Variants in MUC7 observed in about 807,000 individuals in gnomAD.
MUC7 encodes mucin-7.
Under a neutral mutation model 2.5 loss-of-function variants are expected in MUC7, and 2 were observed. That is an observed-to-expected ratio of 0.81 (90% CI 0.33 to 2.55). MUC7 has a LOEUF of 2.55. MUC7 is among the 30% of genes most tolerant of loss of function. The pLI is 0.11. For missense variants in MUC7, 408 were observed against 455.6 expected (o/e 0.90, Z 0.95); for synonymous variants, 133 against 173.4 (o/e 0.77, Z 1.83).
chr4:70,432,100 G>GCT (rs1733682957), intron 1 of MUC7, among the ~76,000 whole-genome samples: 1 of 152,208 alleles, frequency 6.6e-6, no homozygotes, highest in Non-Finnish European at 1.5e-5. Context: ...TGGCTGCATA[G>GCT]TATTCCATGG....
intron 1 of MUC7, among the ~76,000 whole-genome samples, chr4:70,444,391 C>G (rs1734076989): frequency 6.6e-6 from 1 of 152,164 alleles, no homozygotes; most frequent in East Asian, 1.9e-4. Context: ...CAACACAAGT[C>G]ACTACTTCAG....
intron 1 of MUC7, among the ~76,000 whole-genome samples, chr4:70,457,371 G>T (rs1734440990): frequency 6.6e-6 from 1 of 152,118 alleles, no homozygotes; most frequent in Non-Finnish European, 1.5e-5. Flanking sequence ...TTGAGGCCAG[G>T]AGGTTAAGGT....
At chr4:70,463,667 T>C (rs1246398831) in intron 1 of MUC7, among the ~76,000 whole-genome samples, 1 of 152,206 alleles carries the variant, frequency 6.6e-6, no homozygotes. Context: ...ATGTCAGTCA[T>C]TTCAACATGT....
upstream of MUC7, among the ~76,000 whole-genome samples, chr4:70,470,051 T>C (rs1354931141): frequency 3.9e-5 from 6 of 152,130 alleles, no homozygotes; most frequent in Non-Finnish European, 5.9e-5. Context: ...AATGTGGCAA[T>C]ATACACCATG....
At position 70,451,130 on chromosome 4, in the gene MUC7, G is replaced by T. The variant is rs543145526; in HGVS notation, c.-93+20443G>T. ...GTAGGAACTCAAGTTCAGACCACTA[G>T]GACTGGTGATTCTCCTCTGGCTAGG... On this transcript the variant is annotated intron_variant, in intron 1 of 3. Coordinates refer to the MUC7 transcript ENST00000413702. Among the ~76,000 whole-genome samples, 10 of 152,292 alleles carry T rather than the reference G, an allele frequency of 6.6e-5. No homozygotes were observed. In the East Asian group the frequency reaches 1.9e-3, roughly 29 times the overall value.
chr4:70,457,461 C>T (rs893523595), intron 1 of MUC7, among the ~76,000 whole-genome samples: 47 of 151,856 alleles, frequency 3.1e-4, no homozygotes, highest in Non-Finnish European at 5.9e-5. Flanking sequence ...ATCATGTACA[C>T]TTATGATTAT....
At chr4:70,464,374 C>T (rs777671259) in intron 1 of MUC7, among the ~76,000 whole-genome samples, 2 of 152,120 alleles carry the variant, frequency 1.3e-5, no homozygotes, top group East Asian at 3.9e-4. Context: ...ACCCCAGTGG[C>T]ACCTGGAACA....
At chr4:70,438,984 G>T (rs970132319) in intron 1 of MUC7, among the ~76,000 whole-genome samples, 25 of 152,160 alleles carry the variant, frequency 1.6e-4, no homozygotes, top group Non-Finnish European at 1.2e-4. Flanking sequence ...AGAAAAGAAA[G>T]AGAGTTACTG....
intron 2 of MUC7, among the ~76,000 whole-genome samples, chr4:70,476,246 A>G (rs755865339): frequency 9.2e-5 from 14 of 152,206 alleles, no homozygotes; most frequent in Non-Finnish European, 1.9e-4. Flanking sequence ...AGTGATGTTA[A>G]CTTTTTAATA....
At chr4:70,441,004 C>G (rs892558981) in intron 1 of MUC7, among the ~76,000 whole-genome samples, 6 of 152,108 alleles carry the variant, frequency 3.9e-5, no homozygotes, top group Admixed American at 1.3e-4. Flanking sequence ...ATATATGCAA[C>G]TAATTTAAAG....
chr4:70,481,763 A>C lies in MUC7; in HGVS notation c.1019A>C (p.Gln340Pro). ...THQTTTSVTT[Q>P]TTTTKQPTSA... is the part of the protein sequence containing the mutation. Reference sequence around the variant, plus strand: ...CAGACTACTACTTCGGTCACTACTCAAACTACTACTACTAAACAACCAACT... The same window carrying C: ...CAGACTACTACTTCGGTCACTACTCCAACTACTACTACTAAACAACCAACT... Residue 340 changes from glutamine (Q) to proline (P), a missense_variant, in exon 3 of 3, where the codon CAA (glutamine) becomes CCA (proline). By Grantham distance (76) the Gln-to-Pro change is moderately conservative (BLOSUM62 -1). This residue lies in a region of MUC7 where 175 missense variants were observed against 187.1 expected (regional missense o/e 0.94). Coordinates refer to ENST00000304887, the MANE Select transcript of MUC7 (RefSeq NM_152291.3). 1 of 1,614,210 alleles carries C rather than the reference A, an allele frequency of 6.2e-7. No individual in the cohort carries two copies. Among genetic ancestry groups the C allele is most frequent in the South Asian group, 1.1e-5 (1 of 91,090 alleles).
intron 1 of MUC7, among the ~76,000 whole-genome samples, chr4:70,436,091 C>A (rs1312098605): frequency 2.0e-5 from 3 of 152,214 alleles, no homozygotes; most frequent in Non-Finnish European, 4.4e-5. Context: ...TGATGAGCTT[C>A]CCTTTGTGAG....
intron 1 of MUC7, among the ~76,000 whole-genome samples, chr4:70,443,624 G>T (rs772393357): frequency 4.6e-5 from 7 of 151,938 alleles, no homozygotes; most frequent in Non-Finnish European, 8.8e-5. Flanking sequence ...TGCAAATCCG[G>T]GAAAAAGATC....
chr4:70,469,564 A>C (rs1181846957), upstream of MUC7, among the ~76,000 whole-genome samples: 4 of 152,248 alleles, frequency 2.6e-5, no homozygotes, highest in African/African-American at 7.2e-5. Context: ...TTTACAAGAA[A>C]AAAGCAAACA....
chr4:70,474,725 T>C (rs1466776546), intron 2 of MUC7, among the ~76,000 whole-genome samples: 6 of 152,018 alleles, frequency 3.9e-5, no homozygotes, highest in African/African-American at 7.2e-5. Context: ...TGGAATATGG[T>C]TTCAAATCTG....
chr4:70,462,292 T>C (rs956745518), intron 1 of MUC7, among the ~76,000 whole-genome samples: 2 of 152,028 alleles, frequency 1.3e-5, no homozygotes, highest in Non-Finnish European at 2.9e-5. Context: ...AAATAAAAAA[T>C]GAATTATTTT....
intron 1 of MUC7, among the ~76,000 whole-genome samples, chr4:70,456,719 G>A (rs911031413): frequency 4.6e-5 from 7 of 152,152 alleles, no homozygotes; most frequent in African/African-American, 1.7e-4. Flanking sequence ...TGAGATTTGG[G>A]TGGGGACACA....
intron 1 of MUC7, among the ~76,000 whole-genome samples, chr4:70,440,954 G>A (rs1733989577): frequency 6.6e-6 from 1 of 152,074 alleles, no homozygotes; most frequent in Non-Finnish European, 1.5e-5. Flanking sequence ...GGTGGGGTGA[G>A]GGGAGCTCAT....
chr4:70,437,016 A>G (rs1465933981), intron 1 of MUC7, among the ~76,000 whole-genome samples: 3 of 152,144 alleles, frequency 2.0e-5, no homozygotes, highest in South Asian at 2.1e-4. Flanking sequence ...TTTGCTGGGT[A>G]TCACCAGCAG....
Sources: allele counts gnomAD v4.1 joint callset (sites outside exome capture counted in the v4.1 genomes callset), GRCh38; gene constraint gnomAD v4.1.1; regional missense constraint gnomAD v4.1.1; transcripts MANE v1.5; gene names NCBI Gene and HGNC (gene_info 2026-07-23, HGNC 2026-07-21).